FAAP24: variants seen among roughly 807,000 people sequenced by gnomAD.
FAAP24 encodes the protein FA core complex associated protein 24.
Under a neutral mutation model 14.3 loss-of-function variants are expected in FAAP24, and 16 were observed. That is an observed-to-expected ratio of 1.12 (90% CI 0.76 to 1.69). FAAP24 has a LOEUF of 1.69. Among genes scored for constraint, FAAP24 ranks in the 40% most tolerant of loss-of-function variants. The pLI is 0.00. For missense variants in FAAP24, 234 were observed against 262.7 expected (o/e 0.89, Z 0.75); for synonymous variants, 111 against 106.2 (o/e 1.04, Z -0.28).
rs1393924129 is a variant in FAAP24, at chr19:32,973,292, G to A, written c.96G>A (p.Gln32=). Residue 32 remains glutamine, a synonymous_variant, in exon 2 of 5, where the codon CAG becomes CAA. Coordinates refer to ENST00000588258, the MANE Select transcript of FAAP24 (RefSeq NM_152266.5). ...NEKWRGSQLA[Q]EMQGKIKLIF... is the part of the protein sequence containing the mutation. Reference sequence around the variant, plus strand: ...AATGGCGCGGGTCACAGCTGGCGCAGGAGATGCAAGGTCGGTGGCCTGCCC... The same window carrying A: ...AATGGCGCGGGTCACAGCTGGCGCAAGAGATGCAAGGTCGGTGGCCTGCCC... 1.7e-5 allele frequency: 27 copies of A among 1,614,138 alleles called. No individual in the cohort carries two copies. Among genetic ancestry groups the A allele is most frequent in the Non-Finnish European group, 2.3e-5 (27 of 1,180,028 alleles).
At position 32,976,658 on chromosome 19, in the gene FAAP24, T is replaced by C. The variant is rs769285703; in HGVS notation, c.624T>C (p.His208=). ...GACAAGCAGTGGCACAGCAGATCCA[T>C]GCCTTCTTCACGCAGCCCAGGTGAG... is the stretch of plus-strand genomic sequence containing the variant. The part of the protein sequence containing the change: ...VVGQAVAQQI[H]AFFTQPR The change falls in exon 5 of 5, where the codon CAT becomes CAC. Residue 208 remains histidine, a synonymous_variant. Transcript: ENST00000588258. The C allele has an allele frequency of 6.2e-6, 10 of 1,614,052 alleles. No individual in the cohort carries two copies. The highest frequency in any genetic ancestry group is 1.1e-5 in the South Asian group (1 of 91,092).
intron 3 of FAAP24, among the ~76,000 whole-genome samples, 165 bp downstream of exon 3, chr19:32,973,727 C>T (rs1471392776): frequency 5.3e-5 from 8 of 152,098 alleles, no homozygotes; most frequent in African/African-American, 1.2e-4. Context: ...TGGTGGCGCA[C>T]GCCTGTAATC....
Position 32,976,715 on chromosome 19 carries a change from G to C in FAAP24, c.*33G>C, listed in dbSNP as rs1400926383. ...CCTCAGGGCCACGGCATCTTCTCCT[G>C]AGACCACAAACACCAGGATCTTGTT... On this transcript the variant is annotated 3_prime_UTR_variant, in exon 5 of 5. Coordinates refer to ENST00000588258, the MANE Select transcript of FAAP24 (RefSeq NM_152266.5). The C allele has an allele frequency of 6.2e-7, 1 of 1,605,968 alleles. No individual in the cohort carries two copies. Among genetic ancestry groups the C allele is most frequent in the Non-Finnish European group, 8.5e-7 (1 of 1,175,386 alleles).
chr19:32,976,485 G>A lies in FAAP24; in HGVS notation c.451G>A (p.Ala151Thr), dbSNP rs766243491. Residue 151 changes from alanine (A) to threonine (T), a missense_variant, in exon 5 of 5, where the codon GCC (alanine) becomes ACC (threonine). Physicochemically the swap from Ala to Thr is moderately conservative, Grantham distance 58. Coordinates refer to ENST00000588258, the MANE Select transcript of FAAP24 (RefSeq NM_152266.5). ...GAACCCTCTTCTCGGGAAGAAACGG[G>A]CCCTGCTGCTGTCTGAGCCTTCGCT... ...SKNPLLGKKRALLLSEPSLLR... is the reference protein window; with the variant it reads ...SKNPLLGKKRTLLLSEPSLLR... The A allele has an allele frequency of 6.2e-7, 1 of 1,614,208 alleles. No individual in the cohort carries two copies. The highest frequency in any genetic ancestry group is 8.5e-7 in the Non-Finnish European group (1 of 1,180,036).
rs756420548 is a variant in FAAP24 at position 32,973,260 on chromosome 19, A to C, written c.64A>C (p.Asn22His). ...VHVPLGHIVANEKWRGSQLAQ... is the reference protein window; with the variant it reads ...VHVPLGHIVAHEKWRGSQLAQ... ...CGTGCCTTTGGGGCATATTGTGGCC[A>C]ATGAGAAATGGCGCGGGTCACAGCT... The change falls in exon 2 of 5, where the codon AAT becomes CAT. Residue 22 changes from asparagine to histidine, a missense_variant. By Grantham distance (68) the Asn-to-His change is moderately conservative. Coordinates refer to ENST00000588258, the MANE Select transcript of FAAP24 (RefSeq NM_152266.5). 100 of 1,613,970 alleles carry C rather than the reference A, an allele frequency of 6.2e-5. No homozygotes were observed. Among genetic ancestry groups the C allele is most frequent in the Non-Finnish European group, 8.1e-5 (95 of 1,180,034 alleles).
chr19:32,977,689 G>C lies in FAAP24; in HGVS notation c.*1007G>C, dbSNP rs146680225. 1.4e-3 allele frequency: 523 copies of C among 368,880 alleles called. 3 individuals are homozygous for C. Among genetic ancestry groups the C allele is most frequent in the African/African-American group, 9.5e-3 (458 of 47,986 alleles). The allele number at this position is 368,880 out of a possible 1,614,324, so 22.9% of individuals were successfully genotyped here. ...TAATCCCAGCACTTTGGGAGGCCAA[G>C]GGGGGTGAATCACAAGGTCAGGAGA... On this transcript the variant is annotated 3_prime_UTR_variant, in exon 5 of 5. Transcript: ENST00000588258.
At chr19:32,974,788 A>C (rs1444625921) in intron 4 of FAAP24, among the ~76,000 whole-genome samples, 1 of 152,246 alleles carries the variant, frequency 6.6e-6, no homozygotes, top group East Asian at 1.9e-4. Flanking sequence ...TGTCTCAAAA[A>C]AAGAAAGAAA....
At position 32,976,516 on chromosome 19, in the gene FAAP24, G is replaced by A. The variant is rs1455748291; in HGVS notation, c.482G>A (p.Arg161Gln). Residue 161 changes from arginine (R) to glutamine (Q), a missense_variant, in exon 5 of 5, where the codon CGA becomes CAA. Arg to Gln is a conservative substitution (Grantham distance 43). Transcript: ENST00000588258. ...CTGCTGTCTGAGCCTTCGCTCCTTC[G>A]AACCGTGCAGCAGATCCCAGGAGTT... The part of the protein sequence containing the change: ...ALLLSEPSLL[R>Q]TVQQIPGVGK... The A allele has an allele frequency of 8.7e-6, 14 of 1,614,034 alleles. No individual in the cohort carries two copies. The highest frequency in any genetic ancestry group is 3.3e-5 in the Admixed American group (2 of 59,996).
Position 32,974,179 on chromosome 19 carries a change from C to G in FAAP24, c.363C>G (p.Ser121Arg). The change falls in exon 4 of 5, where the codon AGC becomes AGG. Residue 121 changes from serine to arginine, a missense_variant. Coordinates refer to ENST00000588258, the MANE Select transcript of FAAP24 (RefSeq NM_152266.5). ...GAATGGTGCTGCTTCCAGTGGCCAG[C>G]CAGATGGAAGCATCCTGCCTCGTCA... ...DLGMVLLPVA[S>R]QMEASCLVIQ... 10 of 1,613,782 alleles carry G rather than the reference C, an allele frequency of 6.2e-6. No individual in the cohort carries two copies. Among genetic ancestry groups the G allele is most frequent in the Non-Finnish European group, 8.5e-6 (10 of 1,179,960 alleles).
In FAAP24 at chr19:32,973,239, C is replaced by T; in HGVS notation, c.43C>T (p.Pro15Ser). 6.2e-7 allele frequency: 1 copy of T among 1,614,022 alleles called. No individual in the cohort carries two copies. Among genetic ancestry groups the T allele is most frequent in the Non-Finnish European group, 8.5e-7 (1 of 1,180,018 alleles). ...TGATGATACGGGCCCCGTGCACGTG[C>T]CTTTGGGGCATATTGTGGCCAATGA... is the stretch of plus-strand genomic sequence containing the variant. Reference protein sequence around the residue: ...PPDDTGPVHVPLGHIVANEKW... With the variant: ...PPDDTGPVHVSLGHIVANEKW... The change falls in exon 2 of 5, where the codon CCT (proline) becomes TCT (serine). Residue 15 changes from proline (P) to serine (S), a missense_variant. Pro to Ser is a moderately conservative substitution (Grantham distance 74). Coordinates refer to ENST00000588258, the MANE Select transcript of FAAP24 (RefSeq NM_152266.5).
chr19:32,975,426 C>T (rs528076587), intron 4 of FAAP24, among the ~76,000 whole-genome samples: 1 of 151,960 alleles, frequency 6.6e-6, no homozygotes, highest in African/African-American at 2.4e-5. Context: ...CTGCCTCAGC[C>T]TCCCAAAGTT....
rs775681735 is a variant in FAAP24 at position 32,974,041 on chromosome 19, T to C, written c.244-19T>C. ...GCAATTTGGTTGCAAAATGACTTAC[T>C]GTCTTTTTTCCTTTCAAGTCCAATA... On this transcript the variant is annotated intron_variant, in intron 3 of 4. Transcript: ENST00000588258. The C allele has an allele frequency of 2.5e-6, 4 of 1,613,202 alleles. No homozygotes were observed. Among genetic ancestry groups the C allele is most frequent in the Admixed American group, 3.3e-5 (2 of 59,830 alleles).
Position 32,976,839 on chromosome 19 carries a change from G to A in FAAP24, c.*157G>A. On this transcript the variant is annotated 3_prime_UTR_variant, in exon 5 of 5. Transcript: ENST00000588258. ...GAAGACAGCGGATCATCTGAGGTCA[G>A]GAGTTCAAGACCAGCCTGGCCAACA... The A allele has an allele frequency of 1.1e-6, 1 of 935,518 alleles. No homozygotes were observed. The highest frequency in any genetic ancestry group is 1.6e-6 in the Non-Finnish European group (1 of 642,000). 58.0% of individuals were successfully genotyped at this position (935,518 alleles called of 1,614,324 possible). A position where few individuals can be genotyped will look rare whatever the true frequency, so the allele number is the denominator to read the frequency against.
chr19:32,972,757 C>T (rs527537951), intron 1 of FAAP24, among the ~76,000 whole-genome samples: 1 of 144,016 alleles, frequency 6.9e-6, no homozygotes, highest in East Asian at 2.1e-4. Context: ...CTCTGTCGCC[C>T]AGGCTGGAGT....
At chr19:32,973,045 G>A in intron 1 of FAAP24, 139 bp from the exon 2 acceptor site, 2 of 650,118 alleles carry the variant, frequency 3.1e-6, no homozygotes, top group East Asian at 2.8e-5. Context: ...AATTATAAAG[G>A]GAATCTTATT....
chr19:32,974,837 C>A (rs778943122), intron 4 of FAAP24, among the ~76,000 whole-genome samples: 1 of 151,284 alleles, frequency 6.6e-6, no homozygotes, highest in Non-Finnish European at 1.5e-5. Flanking sequence ...TGTCTCATCC[C>A]GTATTTTTGT....
intron 4 of FAAP24, among the ~76,000 whole-genome samples, chr19:32,975,493 C>G (rs1197527457): frequency 7.0e-6 from 1 of 142,494 alleles, no homozygotes; most frequent in Admixed American, 7.3e-5. Flanking sequence ...GAGTTTCGCT[C>G]TTGTTGCTCA....
At chr19:32,972,720 T>C (rs10401585) in intron 1 of FAAP24, among the ~76,000 whole-genome samples, 1,943 of 142,764 alleles carry the variant, frequency 0.014, 67 homozygotes, top group African/African-American at 0.047. Flanking sequence ...CTTTTCTTTT[T>C]TTTTTTTTTT....
At chr19:32,975,052 T>G (rs1409268182) in intron 4 of FAAP24, among the ~76,000 whole-genome samples, 2 of 151,120 alleles carry the variant, frequency 1.3e-5, no homozygotes, top group Non-Finnish European at 1.5e-5. Flanking sequence ...ATTTTTGTAT[T>G]TTTAGTAGAC....
Sources: allele counts gnomAD v4.1 joint callset (sites outside exome capture counted in the v4.1 genomes callset), GRCh38; gene constraint gnomAD v4.1.1; transcripts MANE v1.5; gene names NCBI Gene and HGNC (gene_info 2026-07-23, HGNC 2026-07-21).